CSMD1: variants seen among roughly 807,000 people sequenced by gnomAD.
The protein encoded by CSMD1 is CUB and sushi domain-containing protein 1.
Under a neutral mutation model 417.5 loss-of-function variants are expected in CSMD1, and 213 were observed. That is an observed-to-expected ratio of 0.51 (90% CI 0.46 to 0.57). The LOEUF is 0.57. CSMD1 is among the 20% of genes least tolerant of loss of function. The probability of loss-of-function intolerance (pLI) is 0.00; values close to 1 mark genes in which losing one functional copy is unlikely to be tolerated. For missense variants in CSMD1, 6,923 were observed against 4,529.7 expected, an observed-to-expected ratio of 1.53 and a Z score of -15.17; for synonymous variants, 2,862 against 1,736.8, an observed-to-expected ratio of 1.65 and a Z score of -16.11.
intron 2 of CSMD1, among the ~76,000 whole-genome samples, chr8:4,622,183 A>G (rs1801820248): frequency 6.6e-6 from 1 of 151,808 alleles, no homozygotes; most frequent in Non-Finnish European, 1.5e-5. Context: ...AAAAAAAAAA[A>G]AAAAGAATGG....
chr8:4,563,177 G>A (rs185591154), intron 2 of CSMD1, among the ~76,000 whole-genome samples: 27 of 152,176 alleles, frequency 1.8e-4, no homozygotes, highest in East Asian at 5.8e-4. Context: ...CGAGGCAGGC[G>A]GATCACGAGG....
chr8:3,423,792 T>C lies in CSMD1; in HGVS notation c.1562-14187A>G, dbSNP rs977614936. Among the ~76,000 whole-genome samples the C allele has an allele frequency of 3.3e-5, 5 of 152,320 alleles. No homozygotes were observed. The East Asian group carries it at 9.7e-4, about 29-fold the overall frequency. The stretch of plus-strand genomic sequence containing the variant: ...GGATCACAGAATAGGCACATACTTT[T>C]TGGTGAATGGGTACTCCCTCAGCGA... On this transcript the variant is annotated intron_variant, in intron 12 of 69. Transcript: ENST00000635120.
At chr8:4,518,750 A>G (rs933758693) in intron 2 of CSMD1, among the ~76,000 whole-genome samples, 18 of 152,204 alleles carry the variant, frequency 1.2e-4, no homozygotes, top group Admixed American at 1.0e-3. Context: ...ATGTACCCTA[A>G]AACTTAAATT....
rs554722834 is a variant in CSMD1, at chr8:3,073,023, T to C, written c.7474+14074A>G. Among the ~76,000 whole-genome samples, 3 of 152,310 alleles carry C rather than the reference T, an allele frequency of 2.0e-5. No homozygotes were observed. The South Asian group carries it at 6.2e-4, about 32-fold the overall frequency. ...TCATAAAATTAATTTTTTCCACTCT[T>C]TTTTGTAAAAATGAAATGCAACCCT... On this transcript the variant is annotated intron_variant, in intron 49 of 69. Coordinates refer to ENST00000635120, the MANE Select transcript of CSMD1 (RefSeq NM_033225.6).
At chr8:3,720,872 C>T (rs946667774) in intron 6 of CSMD1, among the ~76,000 whole-genome samples, 2 of 151,018 alleles carry the variant, frequency 1.3e-5, no homozygotes, top group East Asian at 1.9e-4. Context: ...AGTGCAATGG[C>T]GTGATCTCGG....
chr8:4,600,162 G>A (rs1800507342), intron 2 of CSMD1, among the ~76,000 whole-genome samples: 1 of 152,188 alleles, frequency 6.6e-6, no homozygotes, highest in Non-Finnish European at 1.5e-5. Flanking sequence ...TAGCTGAGCT[G>A]TGGTCGCAGA....
chr8:4,922,781 A>G (rs950293047), intron 1 of CSMD1, among the ~76,000 whole-genome samples: 10 of 152,176 alleles, frequency 6.6e-5, no homozygotes, highest in Non-Finnish European at 1.5e-5. Flanking sequence ...GAAGGACACC[A>G]AAGTCACCCC....
At chr8:4,396,006 A>G (rs1191521644) in intron 3 of CSMD1, among the ~76,000 whole-genome samples, 1 of 152,182 alleles carries the variant, frequency 6.6e-6, no homozygotes, top group Non-Finnish European at 1.5e-5. Flanking sequence ...GGAATGTTTT[A>G]TAATCATTTT....
At chr8:4,007,236 A>G (rs921359747) in intron 4 of CSMD1, among the ~76,000 whole-genome samples, 1 of 152,118 alleles carries the variant, frequency 6.6e-6, no homozygotes, top group Non-Finnish European at 1.5e-5. Context: ...AACTACTCAA[A>G]TCACCACTCA....
At chr8:3,704,819 T>A (rs573434246) in intron 7 of CSMD1, 13 of 152,320 alleles carry the variant, frequency 8.5e-5, no homozygotes, top group African/African-American at 3.1e-4. Context: ...ATGATCTCTC[T>A]CTTTTTCTTC....
chr8:4,184,564 G>C (rs1256170578), intron 3 of CSMD1, among the ~76,000 whole-genome samples: 1 of 152,072 alleles, frequency 6.6e-6, no homozygotes, highest in Non-Finnish European at 1.5e-5. Context: ...CTTTGCATGA[G>C]CATGGATGGA....
chr8:3,899,550 T>C (rs1770580246), intron 5 of CSMD1, among the ~76,000 whole-genome samples: 1 of 152,072 alleles, frequency 6.6e-6, no homozygotes. Flanking sequence ...TCTAAGGACA[T>C]TAAAAAGAAG....
chr8:3,882,916 A>G (rs1806299665), intron 5 of CSMD1, among the ~76,000 whole-genome samples: 1 of 152,148 alleles, frequency 6.6e-6, no homozygotes, highest in Admixed American at 6.6e-5. Flanking sequence ...TGTGGGAGTA[A>G]TGTTCTGCAT....
At chr8:4,112,660 A>G (rs1215864310) in intron 3 of CSMD1, among the ~76,000 whole-genome samples, 1 of 152,180 alleles carries the variant, frequency 6.6e-6, no homozygotes, top group Admixed American at 6.5e-5. Flanking sequence ...CCCAAATCCC[A>G]CAAACCCCAG....
intron 2 of CSMD1, among the ~76,000 whole-genome samples, chr8:4,596,616 A>T (rs1362983569): frequency 2.0e-5 from 3 of 152,182 alleles, no homozygotes; most frequent in Non-Finnish European, 4.4e-5. Flanking sequence ...TCAATGCAAC[A>T]TTGTCTTTGT....
At chr8:3,646,234 TAGAA>T (rs1447059989) in intron 7 of CSMD1, among the ~76,000 whole-genome samples, 4 of 152,138 alleles carry the variant, frequency 2.6e-5, no homozygotes, top group African/African-American at 9.7e-5. Flanking sequence ...CACATGTACA[TAGAA>T]AAAGAAACGT....
chr8:4,492,060 C>T (rs936194686), intron 2 of CSMD1, among the ~76,000 whole-genome samples: 1 of 152,166 alleles, frequency 6.6e-6, no homozygotes, highest in South Asian at 2.1e-4. Context: ...AAGAAACGAC[C>T]TGTCAAGACA....
chr8:3,276,571 A>C (rs923121406), intron 26 of CSMD1, among the ~76,000 whole-genome samples: 2 of 152,086 alleles, frequency 1.3e-5, no homozygotes, highest in African/African-American at 4.8e-5. Context: ...ATTACCTCCC[A>C]CTGGGTCCCT....
chr8:4,876,571 G>A (rs889738915), intron 1 of CSMD1, among the ~76,000 whole-genome samples: 8 of 152,080 alleles, frequency 5.3e-5, no homozygotes, highest in Admixed American at 5.2e-4. Flanking sequence ...ACCGTACAAG[G>A]ATGCTTATTC....
Sources: gnomAD v4.1 joint callset for allele counts (sites outside exome capture counted in the v4.1 genomes callset) on GRCh38, gnomAD v4.1.1 for gene constraint, MANE v1.5 for transcripts, NCBI Gene and HGNC (gene_info 2026-07-23, HGNC 2026-07-21) for gene names.